Variants in NAA25 observed in about 807,000 individuals in gnomAD.
The protein encoded by NAA25 is N-alpha-acetyltransferase 25, NatB auxiliary subunit, also known as N-terminal acetyltransferase B complex subunit NAA25.
In NAA25, 30 loss-of-function variants were observed where a neutral mutation model predicts 132.5. The ratio of observed to expected loss-of-function variants is 0.23; its 90% CI spans 0.17 to 0.31. The LOEUF (loss-of-function observed/expected upper bound fraction) is 0.31. NAA25 is among the 10% of genes least tolerant of loss of function. The pLI is 1.00. For synonymous variants in NAA25, 359 were observed against 401.9 expected, an observed-to-expected ratio of 0.89 and a Z score of 1.28; for missense variants, 771 against 1,150.4, an observed-to-expected ratio of 0.67 and a Z score of 4.77.
chr12:112,046,929 C>T (rs974768731), intron 17 of NAA25, among the ~76,000 whole-genome samples: 1 of 151,980 alleles, frequency 6.6e-6, no homozygotes, highest in African/African-American at 2.4e-5. Flanking sequence ...TTTATGTTTC[C>T]AGATTTGGTA....
intron 10 of NAA25, among the ~76,000 whole-genome samples, chr12:112,069,883 T>G (rs1056885643): frequency 6.6e-6 from 1 of 151,182 alleles, no homozygotes; most frequent in Non-Finnish European, 1.5e-5. Context: ...ATCCCAGCAC[T>G]TCGGGAGGCC....
chr12:112,097,930 C>G (rs765700300), intron 1 of NAA25, among the ~76,000 whole-genome samples: 2 of 151,628 alleles, frequency 1.3e-5, no homozygotes, highest in Non-Finnish European at 2.9e-5. Context: ...CCAGCCTGGC[C>G]AACACGGTGA....
intron 1 of NAA25, among the ~76,000 whole-genome samples, chr12:112,104,806 A>G (rs982179398): frequency 5.3e-5 from 8 of 151,586 alleles, no homozygotes; most frequent in Non-Finnish European, 1.2e-4. Context: ...ACTGCACCCC[A>G]GCCTGCAGGA....
intron 4 of NAA25, among the ~76,000 whole-genome samples, chr12:112,083,652 C>T (rs2079003722): frequency 6.6e-6 from 1 of 152,096 alleles, no homozygotes; most frequent in African/African-American, 2.4e-5. Context: ...ACGTATACTC[C>T]ACAGGTATAA....
chr12:112,061,138 G>T, intron 12 of NAA25, 43 bp downstream of exon 12: 1 of 1,543,768 alleles, frequency 6.5e-7, no homozygotes, highest in Non-Finnish European at 8.9e-7. Context: ...CTAAGTCTTA[G>T]TGTAGATCAG....
chr12:112,039,151 A>G (rs977753592), intron 22 of NAA25, 78 bp downstream of exon 22: 41 of 878,844 alleles, frequency 4.7e-5, no homozygotes, highest in African/African-American at 1.0e-4. Flanking sequence ...AGGACTCAAC[A>G]TGGAGGAAAA....
At chr12:112,081,487 T>C (rs1487481049) in intron 4 of NAA25, among the ~76,000 whole-genome samples, 3 of 152,226 alleles carry the variant, frequency 2.0e-5, no homozygotes, top group Non-Finnish European at 2.9e-5. Context: ...TAACCAGTTA[T>C]TAGCAAAAAC....
intron 19 of NAA25, among the ~76,000 whole-genome samples, chr12:112,042,509 A>T (rs1034671273): frequency 1.2e-3 from 172 of 144,586 alleles, no homozygotes; most frequent in African/African-American, 3.2e-3. Flanking sequence ...TCTTATTTTT[A>T]TTTTTTTTTT....
At chr12:112,082,480 G>A (rs1047646680) in intron 4 of NAA25, among the ~76,000 whole-genome samples, 2 of 151,188 alleles carry the variant, frequency 1.3e-5, no homozygotes, top group African/African-American at 4.9e-5. Flanking sequence ...GCTGAGGTGG[G>A]AAGATCACCT....
chr12:112,027,323 A>T lies in NAA25; in HGVS notation c.*2208T>A, dbSNP rs191493763. On this transcript the variant is annotated 3_prime_UTR_variant, in exon 24 of 24. Transcript: ENST00000261745. ...CTCATGTAAGAATATATATATATAT[A>T]TATTTTTTTAACTGTACACAATTTA... The T allele has an allele frequency of 0.014, 2,188 of 151,472 alleles. 18 individuals carry two copies. Among genetic ancestry groups the T allele is most frequent in the South Asian group, 0.038 (182 of 4,802 alleles). 9.4% of individuals were successfully genotyped at this position (151,472 alleles called of 1,614,324 possible).
chr12:112,091,104 C>CA (rs2079121323), intron 2 of NAA25, among the ~76,000 whole-genome samples: 1 of 151,202 alleles, frequency 6.6e-6, no homozygotes, highest in Admixed American at 6.6e-5. Context: ...TCCATCTCTA[C>CA]AAAAAATAAT....
rs2078921257 is a variant in NAA25, at chr12:112,078,243, C to T, written c.609G>A (p.Leu203=). The T allele has an allele frequency of 1.2e-6, 2 of 1,608,808 alleles. No homozygotes were observed. Among genetic ancestry groups the T allele is most frequent in the Non-Finnish European group, 1.7e-6 (2 of 1,178,008 alleles). ...CCTCCTGGTACTTTCCCAAACGTTC[C>T]AGGATCATATAATAAAGTTCAACCT... The part of the protein sequence containing the change: ...EAEVELYYMI[L]ERLGKYQEAL... Residue 203 remains leucine, a synonymous_variant, in exon 7 of 24, where the codon CTG becomes CTA. Transcript: ENST00000261745.
chr12:112,066,348 TG>T (rs2078718291), intron 11 of NAA25, among the ~76,000 whole-genome samples: 1 of 152,244 alleles, frequency 6.6e-6, no homozygotes, highest in African/African-American at 2.4e-5. Flanking sequence ...ACTTACTGAA[TG>T]AATCCCTCCC....
intron 22 of NAA25, among the ~76,000 whole-genome samples, chr12:112,036,506 T>G (rs2078225479): frequency 6.6e-6 from 1 of 152,124 alleles, no homozygotes; most frequent in African/African-American, 2.4e-5. Context: ...GAAAGAACTC[T>G]TGAAACTGAG....
intron 5 of NAA25, among the ~76,000 whole-genome samples, chr12:112,079,925 T>A (rs1054785362): frequency 2.0e-5 from 3 of 152,090 alleles, no homozygotes; most frequent in African/African-American, 7.2e-5. Flanking sequence ...AGCAATAGAT[T>A]AGAGATTCAG....
intron 13 of NAA25, among the ~76,000 whole-genome samples, chr12:112,056,452 G>C (rs1043172551): frequency 1.3e-5 from 2 of 152,082 alleles, no homozygotes; most frequent in Admixed American, 1.3e-4. Flanking sequence ...AGTTACCCAG[G>C]AGGCTGAAGT....
chr12:112,045,458 G>A (rs1457398329), intron 17 of NAA25, among the ~76,000 whole-genome samples: 1 of 148,220 alleles, frequency 6.7e-6, no homozygotes. Context: ...CCGCACTCCA[G>A]CCTGGACGAC....
chr12:112,106,682 C>T (rs2136953265), intron 1 of NAA25, among the ~76,000 whole-genome samples: 1 of 152,144 alleles, frequency 6.6e-6, no homozygotes, highest in South Asian at 2.1e-4. Flanking sequence ...CTGGGCCAGG[C>T]ACAGTGGCTC....
At chr12:112,040,445 A>T in intron 21 of NAA25, 36 bp downstream of exon 21, 1 of 1,289,300 alleles carries the variant, frequency 7.8e-7, no homozygotes, top group South Asian at 1.2e-5. Context: ...ACCATTAAGA[A>T]CAACAATGTC....
Sources: allele counts gnomAD v4.1 joint callset (sites outside exome capture counted in the v4.1 genomes callset), GRCh38; gene constraint gnomAD v4.1.1; transcripts MANE v1.5; gene names NCBI Gene and HGNC (gene_info 2026-07-23, HGNC 2026-07-21).